Variants in SDK1 observed in about 807,000 individuals in gnomAD.
SDK1 encodes sidekick cell adhesion molecule 1, also known as protein sidekick-1.
A neutral mutation model predicts 245.5 loss-of-function variants in SDK1; 157 were observed. The ratio of observed to expected loss-of-function variants is 0.64; its 90% CI spans 0.56 to 0.73. SDK1 has a LOEUF of 0.73. SDK1 is among the 30% of genes least tolerant of loss of function. SDK1 has a pLI of 0.00. For missense variants in SDK1, 3,583 were observed against 3,002.3 expected, an observed-to-expected ratio of 1.19 and a Z score of -4.52; for synonymous variants, 1,647 against 1,278.5, an observed-to-expected ratio of 1.29 and a Z score of -6.15.
intron 5 of SDK1, among the ~76,000 whole-genome samples, chr7:3,946,030 C>T (rs908548558): frequency 2.7e-5 from 4 of 146,122 alleles, no homozygotes; most frequent in African/African-American, 1.0e-4. Context: ...TAAAATCCAA[C>T]CAATAAGAGC....
At chr7:3,350,158 A>G (rs1470803939) in intron 1 of SDK1, among the ~76,000 whole-genome samples, 2 of 152,176 alleles carry the variant, frequency 1.3e-5, no homozygotes, top group African/African-American at 2.4e-5. Flanking sequence ...ATCAGTATAT[A>G]ATGGATCACA....
chr7:3,972,951 G>T (rs1437281931), intron 12 of SDK1, among the ~76,000 whole-genome samples: 2 of 152,194 alleles, frequency 1.3e-5, no homozygotes, highest in African/African-American at 4.8e-5. Flanking sequence ...CGGTCGTCAG[G>T]CCTCGGAAAG....
chr7:3,727,744 G>T (rs905891136), intron 4 of SDK1, among the ~76,000 whole-genome samples: 2 of 152,140 alleles, frequency 1.3e-5, no homozygotes, highest in Admixed American at 1.3e-4. Flanking sequence ...ACCCGCCTCA[G>T]CCTCCCAAAG....
rs529322523 is a variant in SDK1, at chr7:3,600,831, A to G, written c.299-18249A>G. ...CCAAAGTGCTGGAATTACAGGCATT[A>G]GCCACCGTGCCTGGCCAATGTAGGT... On this transcript the variant is annotated intron_variant, in intron 1 of 44. Transcript: ENST00000404826. 9.8e-5 allele frequency among the ~76,000 whole-genome samples: 15 copies of G among 152,310 alleles called. No homozygotes were observed. The East Asian group carries it at 2.9e-3, about 29-fold the overall frequency.
intron 1 of SDK1, among the ~76,000 whole-genome samples, chr7:3,601,725 G>A (rs966707173): frequency 5.3e-5 from 8 of 151,170 alleles, no homozygotes; most frequent in Admixed American, 5.3e-4. Flanking sequence ...TGTGCACAAC[G>A]TGCAGGTTTG....
intron 4 of SDK1, among the ~76,000 whole-genome samples, chr7:3,707,449 G>A (rs1048511564): frequency 2.0e-5 from 3 of 152,244 alleles, no homozygotes; most frequent in East Asian, 1.9e-4. Flanking sequence ...AACATTTATC[G>A]AGACTTGTTT....
At chr7:3,626,165 C>T (rs1245130492) in intron 2 of SDK1, among the ~76,000 whole-genome samples, 2 of 151,728 alleles carry the variant, frequency 1.3e-5, no homozygotes, top group African/African-American at 4.8e-5. Flanking sequence ...GTCTTGAACT[C>T]CTGGTCTCAA....
intron 1 of SDK1, among the ~76,000 whole-genome samples, chr7:3,615,109 G>C (rs1781725752): frequency 6.6e-6 from 1 of 151,548 alleles, no homozygotes; most frequent in Non-Finnish European, 1.5e-5. Flanking sequence ...TTTCTATCTC[G>C]AAGCTTTTCC....
chr7:3,867,440 G>A (rs1460404316), intron 5 of SDK1, among the ~76,000 whole-genome samples: 1 of 152,178 alleles, frequency 6.6e-6, no homozygotes, highest in African/African-American at 2.4e-5. Context: ...CCGAGACTGG[G>A]AAGAAAAAGA....
rs915617761 is a variant in SDK1, at chr7:3,487,598, C to G, written c.299-131482C>G. ...TACTACAAAACAAACAAACAAACACCCAAAAAATTAGCCAGGCATGGTAGC... is the reference window on the plus strand; with the variant it reads ...TACTACAAAACAAACAAACAAACACGCAAAAAATTAGCCAGGCATGGTAGC... On this transcript the variant is annotated intron_variant, in intron 1 of 44. Coordinates refer to ENST00000404826, the MANE Select transcript of SDK1 (RefSeq NM_152744.4). Among the ~76,000 whole-genome samples the G allele has an allele frequency of 1.3e-5, 2 of 151,166 alleles. 1 individual carries two copies. Among genetic ancestry groups the G allele is most frequent in the African/African-American group, 4.9e-5 (2 of 41,156 alleles).
At chr7:3,806,020 C>G (rs960885054) in intron 4 of SDK1, among the ~76,000 whole-genome samples, 4 of 152,166 alleles carry the variant, frequency 2.6e-5, no homozygotes, top group Non-Finnish European at 1.5e-5. Flanking sequence ...ATCTCTGTTG[C>G]TACCACAAAC....
intron 17 of SDK1, among the ~76,000 whole-genome samples, chr7:4,043,961 T>G (rs1371724665): frequency 6.6e-6 from 1 of 152,232 alleles, no homozygotes; most frequent in Non-Finnish European, 1.5e-5. Context: ...CTTTTCCCTT[T>G]TCTTCCTTTT....
chr7:3,525,465 T>G (rs1783095579), intron 1 of SDK1, among the ~76,000 whole-genome samples: 1 of 152,118 alleles, frequency 6.6e-6, no homozygotes, highest in Admixed American at 6.6e-5. Flanking sequence ...ACTCCCCAAG[T>G]AGTCTGTGAG....
chr7:3,330,195 T>C (rs1780034417), intron 1 of SDK1, among the ~76,000 whole-genome samples: 1 of 152,224 alleles, frequency 6.6e-6, no homozygotes. Context: ...TTCATTTCTC[T>C]TGGGTATGTA....
Position 3,937,612 on chromosome 7 carries a change from G to C in SDK1, c.848-13311G>C, listed in dbSNP as rs1469868430. 2.6e-5 allele frequency among the ~76,000 whole-genome samples: 4 copies of C among 152,212 alleles called. No individual in the cohort carries two copies. The East Asian group carries it at 5.8e-4, about 22-fold the overall frequency. On this transcript the variant is annotated intron_variant, in intron 5 of 44. Coordinates refer to ENST00000404826, the MANE Select transcript of SDK1 (RefSeq NM_152744.4). ...CTAAGAATCTTAGCCACTCTGCCTA[G>C]CAGCCTCTCAATGTTTTGTGTCTCT...
intron 20 of SDK1, among the ~76,000 whole-genome samples, chr7:4,074,102 G>A (rs1047074650): frequency 2.0e-5 from 3 of 152,102 alleles, no homozygotes; most frequent in Non-Finnish European, 2.9e-5. Flanking sequence ...CAGCTCAGGG[G>A]GTCTTCAGGT....
At chr7:3,991,513 T>C (rs1039343701) in intron 14 of SDK1, among the ~76,000 whole-genome samples, 1 of 152,138 alleles carries the variant, frequency 6.6e-6, no homozygotes, top group African/African-American at 2.4e-5. Flanking sequence ...CCTGTGTTGG[T>C]CCTCTGTGCT....
chr7:4,192,678 G>C (rs572494932), intron 35 of SDK1, among the ~76,000 whole-genome samples: 13 of 152,166 alleles, frequency 8.5e-5, no homozygotes, highest in African/African-American at 3.1e-4. Flanking sequence ...TATATGCACT[G>C]GGAAGTCAAA....
chr7:4,051,856 T>A, intron 19 of SDK1, 26 bp downstream of exon 19: 1 of 1,587,892 alleles, frequency 6.3e-7, no homozygotes, highest in Non-Finnish European at 8.6e-7. Flanking sequence ...TGCGTGTCTC[T>A]TAAGTCACTT....
Sources: gnomAD v4.1 joint callset for allele counts (sites outside exome capture counted in the v4.1 genomes callset) on GRCh38, gnomAD v4.1.1 for gene constraint, MANE v1.5 for transcripts, NCBI Gene and HGNC (gene_info 2026-07-23, HGNC 2026-07-21) for gene names.